The following RPN2 variants were observed in gnomAD, a reference collection of about 807,000 sequenced individuals.
The protein encoded by RPN2 is ribophorin II, also known as dolichyl-diphosphooligosaccharide--protein glycosyltransferase subunit 2.
Under a neutral mutation model 71.4 loss-of-function variants are expected in RPN2, and 29 were observed. That is an observed-to-expected ratio of 0.41 (90% CI 0.30 to 0.55). The LOEUF is 0.55. Ranked by LOEUF, RPN2 falls within the 20% of genes least tolerant of loss-of-function variation. The pLI is 0.35. For missense variants in RPN2, 726 were observed against 774.1 expected (o/e 0.94, Z 0.74); for synonymous variants, 308 against 305.0 (o/e 1.01, Z -0.10).
At chr20:37,210,243 A>G (rs896740661) in intron 8 of RPN2, 78 bp downstream of exon 8, 48 of 1,602,322 alleles carry the variant, frequency 3.0e-5, no homozygotes, top group Non-Finnish European at 4.0e-5. Flanking sequence ...GTAACAGATT[A>G]ATACATTCCA....
intron 16 of RPN2, among the ~76,000 whole-genome samples, chr20:37,240,856 G>A (rs1286279138): frequency 1.3e-5 from 2 of 152,232 alleles, no homozygotes; most frequent in Non-Finnish European, 2.9e-5. Flanking sequence ...GAATGGTCAG[G>A]ATGTCATGTT....
At chr20:37,181,096 G>A (rs1422523652) in intron 1 of RPN2, among the ~76,000 whole-genome samples, 1 of 152,078 alleles carries the variant, frequency 6.6e-6, no homozygotes, top group African/African-American at 2.4e-5. Flanking sequence ...GGGCATGGTG[G>A]CACGTGCCTG....
chr20:37,216,243 G>A (rs1032677492), intron 9 of RPN2, among the ~76,000 whole-genome samples: 4 of 152,076 alleles, frequency 2.6e-5, no homozygotes, highest in Non-Finnish European at 5.9e-5. Flanking sequence ...GGAGGCTGAA[G>A]CAGGAGAATC....
chr20:37,193,613 AG>A (rs1359005859), intron 2 of RPN2, among the ~76,000 whole-genome samples: 1 of 152,190 alleles, frequency 6.6e-6, no homozygotes, highest in Non-Finnish European at 1.5e-5. Context: ...AGACTATAGC[AG>A]GGGGCTACAG....
intron 13 of RPN2, among the ~76,000 whole-genome samples, chr20:37,230,511 A>T (rs890617563): frequency 6.6e-6 from 1 of 152,208 alleles, no homozygotes; most frequent in African/African-American, 2.4e-5. Context: ...GACTGTTGTG[A>T]GAATCAAAGT....
intron 10 of RPN2, 69 bp from the exon 11 acceptor site, chr20:37,225,619 T>C (rs1284806417): frequency 3.0e-6 from 3 of 990,600 alleles, no homozygotes; most frequent in Non-Finnish European, 4.9e-6. Flanking sequence ...AAGTGAAGTA[T>C]ATATTTTCTG....
intron 2 of RPN2, among the ~76,000 whole-genome samples, chr20:37,195,517 TATA>T (rs2067235769): frequency 6.6e-6 from 1 of 152,222 alleles, no homozygotes; most frequent in East Asian, 1.9e-4. Flanking sequence ...ACTTTGCCTT[TATA>T]ATGCCTCAGT....
intron 16 of RPN2, chr20:37,238,898 A>C (rs1172088578): frequency 2.0e-6 from 1 of 510,500 alleles, no homozygotes; most frequent in Non-Finnish European, 3.9e-6. Flanking sequence ...GTTGGGCTAA[A>C]CATTGTGGTC....
chr20:37,183,054 T>C (rs1233628488), intron 1 of RPN2, among the ~76,000 whole-genome samples: 1 of 152,168 alleles, frequency 6.6e-6, no homozygotes, highest in Non-Finnish European at 1.5e-5. Flanking sequence ...TCATGGAACT[T>C]ACAGTTTAGC....
intron 1 of RPN2, among the ~76,000 whole-genome samples, chr20:37,182,587 G>C (rs1436114604): frequency 1.1e-4 from 16 of 151,916 alleles, no homozygotes; most frequent in Admixed American, 9.9e-4. Context: ...GTAGAGAAAG[G>C]GTTTCGCCAT....
At chr20:37,188,409 T>C (rs527382195) in intron 2 of RPN2, among the ~76,000 whole-genome samples, 2 of 152,218 alleles carry the variant, frequency 1.3e-5, no homozygotes, top group South Asian at 4.2e-4. Flanking sequence ...CGTCTTGGCC[T>C]CCCAAAGTGC....
At chr20:37,238,318 G>T in intron 16 of RPN2, 1 of 1,045,678 alleles carries the variant, frequency 9.6e-7, no homozygotes, top group Non-Finnish European at 1.5e-6. Flanking sequence ...GGAAGCTCTG[G>T]TTGGGTGTTT....
chr20:37,204,718 A>G, intron 5 of RPN2, 49 bp from the exon 6 acceptor site: 1 of 1,612,270 alleles, frequency 6.2e-7, no homozygotes, highest in Non-Finnish European at 8.5e-7. Flanking sequence ...CGTGCATCTC[A>G]TTTCTGCTGT....
intron 8 of RPN2, among the ~76,000 whole-genome samples, chr20:37,212,195 C>T (rs2067689825): frequency 6.6e-6 from 1 of 152,018 alleles, no homozygotes; most frequent in Admixed American, 6.5e-5. Flanking sequence ...GGGAGGATCG[C>T]TTGAGGCTGG....
chr20:37,230,368 C>G (rs978013940), intron 13 of RPN2, among the ~76,000 whole-genome samples: 1 of 152,314 alleles, frequency 6.6e-6, no homozygotes, highest in Middle Eastern at 3.4e-3. Context: ...ATGGTTCTAG[C>G]GTTTATCCTC....
chr20:37,217,413 C>T (rs933071287), intron 9 of RPN2, among the ~76,000 whole-genome samples: 3 of 151,874 alleles, frequency 2.0e-5, no homozygotes, highest in African/African-American at 2.4e-5. Flanking sequence ...CTGCCTCAGC[C>T]TCCCGAGTAG....
At chr20:37,217,492 T>C (rs2067840822) in intron 9 of RPN2, among the ~76,000 whole-genome samples, 5 of 151,476 alleles carry the variant, frequency 3.3e-5, no homozygotes, top group African/African-American at 9.7e-5. Context: ...GGGGTTTCAC[T>C]ATGTTGGCCA....
chr20:37,203,851 G>GAAACC, intron 4 of RPN2, 34 bp from the exon 5 acceptor site: 1 of 1,476,414 alleles, frequency 6.8e-7, no homozygotes, highest in Non-Finnish European at 9.5e-7. Context: ...AACAAGACTT[G>GAAACC]CCATTCATTG....
intron 8 of RPN2, 48 bp from the exon 9 acceptor site, chr20:37,213,712 T>G: frequency 2.1e-6 from 3 of 1,406,240 alleles, no homozygotes; most frequent in Non-Finnish European, 3.0e-6. Context: ...GTTATATCCA[T>G]GACTTTCCTA....
Sources: gnomAD v4.1 joint callset for allele counts (sites outside exome capture counted in the v4.1 genomes callset) on GRCh38, gnomAD v4.1.1 for gene constraint, MANE v1.5 for transcripts, NCBI Gene and HGNC (gene_info 2026-07-23, HGNC 2026-07-21) for gene names.